The following NRXN1 variants were observed in gnomAD, a reference collection of about 807,000 sequenced individuals.
The protein encoded by NRXN1 is neurexin 1, also known as neurexin-1.
A neutral mutation model predicts 150.9 loss-of-function variants in NRXN1; 39 were observed. The observed-to-expected ratio is 0.26, with a 90% CI of 0.20 to 0.34. NRXN1 has a LOEUF of 0.34. NRXN1 is among the 10% of genes least tolerant of loss of function. The pLI, the probability that NRXN1 is intolerant of heterozygous loss-of-function variation, is 1.00. For missense variants in NRXN1, 1,815 were observed against 1,949.9 expected (o/e 0.93, Z 1.30); for synonymous variants, 924 against 757.0 (o/e 1.22, Z -3.62).
In NRXN1 at chr2:49,985,922, T is replaced by C. The variant is rs946333052; in HGVS notation, c.4129-42131A>G. 8.1e-4 allele frequency among the ~76,000 whole-genome samples: 124 copies of C among 152,228 alleles called. 6 individuals carry two copies. Among genetic ancestry groups the C allele is most frequent in the Non-Finnish European group, 1.2e-4 (8 of 68,046 alleles). ...GGGGCCATACCAATATGTAACAATT[T>C]ATGGTACAGAATCACTTCATGGTAT... is the stretch of plus-strand genomic sequence containing the variant. On this transcript the variant is annotated intron_variant, in intron 21 of 22. Coordinates refer to ENST00000401669, the MANE Select transcript of NRXN1 (RefSeq NM_001330078.2).
At chr2:50,284,254 T>TA (rs1366201999) in intron 17 of NRXN1, among the ~76,000 whole-genome samples, 2 of 152,198 alleles carry the variant, frequency 1.3e-5, no homozygotes, top group African/African-American at 2.4e-5. Flanking sequence ...CTTCATGTCT[T>TA]AATCCAAGGC....
intron 18 of NRXN1, among the ~76,000 whole-genome samples, chr2:50,097,893 C>A (rs890445726): frequency 6.6e-6 from 1 of 152,104 alleles, no homozygotes; most frequent in African/African-American, 2.4e-5. Flanking sequence ...CCCACCTTGG[C>A]CTCTCAGACT....
In NRXN1 at chr2:50,925,946, T is replaced by C. The variant is rs141903943; in HGVS notation, c.782A>G (p.Asn261Ser). ...RGKDCSQEDN[N>S]VEGLAHLMMG... is the part of the protein sequence containing the mutation. ...AGGTAGAAAGCACCCACCTTCCACA[T>C]TGTTGTCTTCTGAAAGCACATGACA... The change falls in exon 3 of 23, where the codon AAT becomes AGT. Residue 261 changes from asparagine to serine, a missense_variant. Physicochemically the swap from Asn to Ser is conservative, Grantham distance 46 (BLOSUM62 1). This residue lies in a region of NRXN1 where 554 missense variants were observed against 478.8 expected (regional missense o/e 1.16). Transcript: ENST00000401669. The C allele has an allele frequency of 2.7e-5, 43 of 1,574,728 alleles. No homozygotes were observed. Among genetic ancestry groups the C allele is most frequent in the African/African-American group, 2.0e-4 (15 of 74,084 alleles).
At chr2:50,655,088 T>G (rs1483021092) in intron 5 of NRXN1, among the ~76,000 whole-genome samples, 2 of 151,886 alleles carry the variant, frequency 1.3e-5, no homozygotes, top group Non-Finnish European at 2.9e-5. Flanking sequence ...AATATGCAGT[T>G]ATGTGGCCAA....
At chr2:50,411,812 G>A (rs1163003265) in intron 17 of NRXN1, among the ~76,000 whole-genome samples, 1 of 152,368 alleles carries the variant, frequency 6.6e-6, no homozygotes, top group East Asian at 1.9e-4. Flanking sequence ...CGTCCCGGAG[G>A]TGTACCCAAC....
intron 18 of NRXN1, among the ~76,000 whole-genome samples, chr2:50,173,290 C>G (rs1326664119): frequency 6.6e-6 from 1 of 152,152 alleles, no homozygotes; most frequent in East Asian, 1.9e-4. Context: ...CAACTTAAGT[C>G]TCATGATGGA....
chr2:50,255,446 G>C (rs982593548), intron 17 of NRXN1, among the ~76,000 whole-genome samples: 2 of 152,176 alleles, frequency 1.3e-5, no homozygotes, highest in African/African-American at 4.8e-5. Context: ...GGGCAGGTAA[G>C]TGTCAAATCT....
At position 50,543,633 on chromosome 2, in the gene NRXN1, A is replaced by C. The variant is rs2093433924; in HGVS notation, c.1760-4997T>G. ...TAAAACTGTATGCAAAGGTTCAAAAAACTTTTTAAAACAGCTCTTAGTTAT... is the reference window on the plus strand; with the variant it reads ...TAAAACTGTATGCAAAGGTTCAAAACACTTTTTAAAACAGCTCTTAGTTAT... On this transcript the variant is annotated intron_variant, in intron 9 of 22. Transcript: ENST00000401669. Among the ~76,000 whole-genome samples the C allele has an allele frequency of 2.6e-5, 4 of 152,266 alleles. No homozygotes were observed. In the South Asian group the frequency reaches 8.3e-4, roughly 32 times the overall value.
At chr2:50,622,253 T>A (rs1300908141) in intron 6 of NRXN1, among the ~76,000 whole-genome samples, 1 of 152,128 alleles carries the variant, frequency 6.6e-6, no homozygotes, top group African/African-American at 2.4e-5. Context: ...TCTACACTCC[T>A]AAAGCTCCTT....
At chr2:50,936,996 G>C (rs1688652619) in intron 2 of NRXN1, among the ~76,000 whole-genome samples, 1 of 152,116 alleles carries the variant, frequency 6.6e-6, no homozygotes, top group African/African-American at 2.4e-5. Context: ...AGAAATTGGA[G>C]AGAGCAAGGT....
intron 18 of NRXN1, among the ~76,000 whole-genome samples, chr2:50,113,816 T>A (rs1211923193): frequency 6.6e-6 from 1 of 152,136 alleles, no homozygotes; most frequent in Non-Finnish European, 1.5e-5. Context: ...GGCCTTCCTA[T>A]GAAACTCCCA....
At chr2:49,966,646 G>C (rs1189455607) in intron 21 of NRXN1, 2 of 151,844 alleles carry the variant, frequency 1.3e-5, no homozygotes, top group African/African-American at 4.8e-5. Flanking sequence ...TTCACCAGTA[G>C]ATACAGAACT....
chr2:50,849,243 C>T (rs1674146179), intron 5 of NRXN1, among the ~76,000 whole-genome samples: 1 of 152,230 alleles, frequency 6.6e-6, no homozygotes, highest in Non-Finnish European at 1.5e-5. Context: ...AGGTTTGTTA[C>T]TGACCACAGG....
At chr2:50,427,859 C>G (rs2084628910) in intron 17 of NRXN1, among the ~76,000 whole-genome samples, 1 of 152,082 alleles carries the variant, frequency 6.6e-6, no homozygotes, top group South Asian at 2.1e-4. Context: ...CTGCCATGTC[C>G]TGAGAAAAAT....
chr2:50,064,913 G>T (rs1695130668), intron 19 of NRXN1, among the ~76,000 whole-genome samples: 1 of 152,150 alleles, frequency 6.6e-6, no homozygotes, highest in Non-Finnish European at 1.5e-5. Flanking sequence ...GGCTGATAAA[G>T]AGCAGCGAGG....
At position 50,196,560 on chromosome 2, in the gene NRXN1, G is replaced by C. The variant is rs796323174; in HGVS notation, c.3546+40229C>G. 5.3e-5 allele frequency among the ~76,000 whole-genome samples: 8 copies of C among 152,162 alleles called. 1 individual carries two copies. The highest frequency in any genetic ancestry group is 1.9e-4 in the African/African-American group (8 of 41,534). On this transcript the variant is annotated intron_variant, in intron 18 of 22. Coordinates refer to ENST00000401669, the MANE Select transcript of NRXN1 (RefSeq NM_001330078.2). ...AATACATTTAATATCAATGCAATCA[G>C]TGTAGAAGTGAGGCAATATGACACA...
intron 18 of NRXN1, among the ~76,000 whole-genome samples, chr2:50,190,715 C>T (rs996030610): frequency 3.3e-5 from 5 of 150,408 alleles, no homozygotes; most frequent in South Asian, 2.1e-4. Flanking sequence ...CAAGTTCAAG[C>T]GATTCTCCTG....
intron 8 of NRXN1, chr2:50,619,568 T>C (rs1451599756): frequency 2.8e-5 from 6 of 213,076 alleles, no homozygotes; most frequent in Non-Finnish European, 5.5e-5. Flanking sequence ...TATAGACTTA[T>C]TTTGTTTTAG....
At chr2:50,758,409 A>G (rs1457416242) in intron 5 of NRXN1, among the ~76,000 whole-genome samples, 1 of 152,042 alleles carries the variant, frequency 6.6e-6, no homozygotes, top group Non-Finnish European at 1.5e-5. Context: ...ATGAAATTTT[A>G]TTCATTAAAG....
Sources: gnomAD v4.1 joint callset for allele counts (sites outside exome capture counted in the v4.1 genomes callset) on GRCh38, gnomAD v4.1.1 for gene constraint, gnomAD v4.1.1 regional missense constraint, MANE v1.5 for transcripts, NCBI Gene and HGNC (gene_info 2026-07-23, HGNC 2026-07-21) for gene names.